CTNNA2: variants seen among roughly 807,000 people sequenced by gnomAD.
The protein encoded by CTNNA2 is catenin alpha 2, also known as catenin alpha-2.
CTNNA2 carries 42 observed loss-of-function variants against 101.0 expected under a neutral mutation model. The ratio of observed to expected loss-of-function variants is 0.42; its 90% confidence interval spans 0.32 to 0.54. The LOEUF (loss-of-function observed/expected upper bound fraction) is 0.54, where lower values mean the gene tolerates loss of function less well. CTNNA2 is among the 20% of genes least tolerant of loss of function. CTNNA2 has a pLI of 0.14. For missense variants in CTNNA2, 871 were observed against 1,223.1 expected, an observed-to-expected ratio of 0.71 and a Z score of 4.29; for synonymous variants, 450 against 456.4, an observed-to-expected ratio of 0.99 and a Z score of 0.18.
intron 2 of CTNNA2, among the ~76,000 whole-genome samples, chr2:79,679,673 G>A (rs192845197): frequency 6.6e-6 from 1 of 152,192 alleles, no homozygotes; most frequent in Admixed American, 6.5e-5. Flanking sequence ...ACTGTCTTCT[G>A]ATGTTCCTAG....
intron 7 of CTNNA2, among the ~76,000 whole-genome samples, chr2:80,157,811 G>A (rs555185257): frequency 6.6e-6 from 1 of 152,170 alleles, no homozygotes; most frequent in South Asian, 2.1e-4. Context: ...GTTTACTGGT[G>A]TTCCACACTT....
At chr2:80,371,635 T>A (rs1242452832) in intron 7 of CTNNA2, among the ~76,000 whole-genome samples, 1 of 151,938 alleles carries the variant, frequency 6.6e-6, no homozygotes, top group East Asian at 1.9e-4. Context: ...TGGGGAGCAT[T>A]GTAGATTCTA....
intron 1 of CTNNA2, among the ~76,000 whole-genome samples, chr2:79,590,151 T>C (rs559730570): frequency 3.4e-4 from 52 of 152,344 alleles, no homozygotes; most frequent in African/African-American, 1.2e-3. Flanking sequence ...TTTTCTTTTG[T>C]CATGCCTGCT....
At chr2:80,539,748 G>A (rs1691376999) in intron 9 of CTNNA2, among the ~76,000 whole-genome samples, 1 of 152,290 alleles carries the variant, frequency 6.6e-6, no homozygotes, top group Middle Eastern at 3.4e-3. Flanking sequence ...CTTTCTAACA[G>A]ATTGGTAGGT....
rs191132940 is a variant in CTNNA2 at position 79,948,562 on chromosome 2, T to G, written c.1056+38765T>G. ...TTTGTTTTGTTAAAAGAGAAGATATTGATGTGAGAGAGCTAAGCTCTGACA... is the reference window on the plus strand; with the variant it reads ...TTTGTTTTGTTAAAAGAGAAGATATGGATGTGAGAGAGCTAAGCTCTGACA... On this transcript the variant is annotated intron_variant, in intron 7 of 18. Coordinates refer to ENST00000402739, the MANE Select transcript of CTNNA2 (RefSeq NM_001282597.3). Among the ~76,000 whole-genome samples the G allele has an allele frequency of 8.5e-5, 13 of 152,304 alleles. No individual in the cohort carries two copies. The East Asian group carries it at 1.5e-3, about 18-fold the overall frequency.
At chr2:80,279,142 A>C (rs1484232917) in intron 7 of CTNNA2, among the ~76,000 whole-genome samples, 1 of 151,442 alleles carries the variant, frequency 6.6e-6, no homozygotes, top group African/African-American at 2.4e-5. Flanking sequence ...TAATGAAGGG[A>C]AACTAGGAGG....
In CTNNA2 at chr2:80,648,122, G is replaced by A. The variant is rs1457924306; in HGVS notation, c.*250G>A. 1.6e-5 allele frequency: 5 copies of A among 311,746 alleles called. No individual in the cohort carries two copies. Among genetic ancestry groups the A allele is most frequent in the African/African-American group, 8.5e-5 (4 of 47,028 alleles). The allele number at this position is 311,746 out of a possible 1,614,324, so 19.3% of individuals were successfully genotyped here. ...TCCTTTGCAACATTCTCATAAAATTGGGCACAGAGTTCGCATTGGCGCAAT... is the reference window on the plus strand; with the variant it reads ...TCCTTTGCAACATTCTCATAAAATTAGGCACAGAGTTCGCATTGGCGCAAT... On this transcript the variant is annotated 3_prime_UTR_variant, in exon 19 of 19. Coordinates refer to ENST00000402739, the MANE Select transcript of CTNNA2 (RefSeq NM_001282597.3).
At chr2:79,979,354 GC>G (rs1691094542) in intron 7 of CTNNA2, among the ~76,000 whole-genome samples, 1 of 152,098 alleles carries the variant, frequency 6.6e-6, no homozygotes, top group African/African-American at 2.4e-5. Context: ...CTGTACTCCA[GC>G]CTGGGTGACA....
intron 3 of CTNNA2, among the ~76,000 whole-genome samples, chr2:79,325,190 G>A (rs1209185321): frequency 2.0e-5 from 3 of 152,136 alleles, no homozygotes; most frequent in Admixed American, 2.0e-4. Flanking sequence ...TGAGAAATAG[G>A]AATAGGTATA....
At chr2:79,978,614 T>C (rs1355190945) in intron 7 of CTNNA2, among the ~76,000 whole-genome samples, 1 of 152,132 alleles carries the variant, frequency 6.6e-6, no homozygotes, top group Non-Finnish European at 1.5e-5. Context: ...TTAAGTAGGA[T>C]GCTAGGGGAG....
intron 2 of CTNNA2, among the ~76,000 whole-genome samples, chr2:79,288,961 A>G (rs907220262): frequency 1.1e-4 from 17 of 152,336 alleles, no homozygotes; most frequent in East Asian, 7.7e-4. Flanking sequence ...CACTTATTTG[A>G]TAGTCACTTT....
At chr2:80,162,448 T>C (rs1203723920) in intron 7 of CTNNA2, 1 of 1,583,880 alleles carries the variant, frequency 6.3e-7, no homozygotes, top group Non-Finnish European at 8.6e-7. Flanking sequence ...TTAACATGTG[T>C]TAGTGTCGAG....
In CTNNA2 at chr2:79,363,968, G is replaced by A. The variant is rs1677688367; in HGVS notation, c.-317-9863G>A. On this transcript the variant is annotated intron_variant, in intron 3 of 21. Coordinates refer to the CTNNA2 transcript ENST00000466387. ...TAACTCCTGATTGGTAAAGCTCCTG[G>A]AACAGAGTTTCAATCCTTAATGTGA... is the stretch of plus-strand genomic sequence containing the variant. 2.0e-5 allele frequency among the ~76,000 whole-genome samples: 3 copies of A among 152,264 alleles called. No individual in the cohort carries two copies. In the South Asian group the frequency reaches 6.2e-4, roughly 32 times the overall value.
chr2:80,335,338 G>A (rs1011430604), intron 7 of CTNNA2, among the ~76,000 whole-genome samples: 3 of 152,110 alleles, frequency 2.0e-5, no homozygotes, highest in African/African-American at 7.2e-5. Flanking sequence ...AATGGCAGAC[G>A]TTTTGAACTG....
chr2:80,176,367 G>A (rs1705395179), intron 7 of CTNNA2, among the ~76,000 whole-genome samples: 1 of 152,098 alleles, frequency 6.6e-6, no homozygotes, highest in Non-Finnish European at 1.5e-5. Context: ...GAAATAAAAT[G>A]AAGATATTTT....
intron 9 of CTNNA2, among the ~76,000 whole-genome samples, chr2:80,506,938 A>G (rs1362490714): frequency 6.6e-6 from 1 of 152,192 alleles, no homozygotes; most frequent in Non-Finnish European, 1.5e-5. Context: ...GGGTGAGAAT[A>G]CTAGTATTGC....
At chr2:80,112,754 T>G (rs935990438) in intron 7 of CTNNA2, among the ~76,000 whole-genome samples, 1 of 152,180 alleles carries the variant, frequency 6.6e-6, no homozygotes, top group Non-Finnish European at 1.5e-5. Flanking sequence ...CGCACCCTAT[T>G]CTGTTGTCAG....
At chr2:80,025,893 G>A (rs1267542110) in intron 7 of CTNNA2, among the ~76,000 whole-genome samples, 1 of 152,174 alleles carries the variant, frequency 6.6e-6, no homozygotes, top group East Asian at 1.9e-4. Context: ...TCGAGAAACA[G>A]CAACAAGGAA....
intron 4 of CTNNA2, among the ~76,000 whole-genome samples, chr2:79,424,818 A>G (rs1405401748): frequency 6.6e-6 from 1 of 152,218 alleles, no homozygotes; most frequent in Non-Finnish European, 1.5e-5. Context: ...ATTAAGGTTC[A>G]TGGATGTCCT....
Sources: allele counts gnomAD v4.1 joint callset (sites outside exome capture counted in the v4.1 genomes callset), GRCh38; gene constraint gnomAD v4.1.1; transcripts MANE v1.5; gene names NCBI Gene and HGNC (gene_info 2026-07-23, HGNC 2026-07-21).